LHX4: variants seen among roughly 807,000 people sequenced by gnomAD.
LHX4 encodes the protein LIM homeobox 4.
Under a neutral mutation model 39.2 loss-of-function variants are expected in LHX4, and 16 were observed. The ratio of observed to expected loss-of-function variants is 0.41; its 90% CI spans 0.28 to 0.62. LHX4 has a LOEUF of 0.62. Ranked by LOEUF, LHX4 falls within the 20% of genes least tolerant of loss-of-function variation. The pLI is 0.33. For synonymous variants in LHX4, 206 were observed against 198.1 expected (o/e 1.04, Z -0.33); for missense variants, 439 against 511.9 (o/e 0.86, Z 1.37).
In LHX4 at chr1:180,232,507, A is replaced by G. The variant is rs1664204971; in HGVS notation, c.76+1902A>G. On this transcript the variant is annotated intron_variant, in intron 1 of 5. Coordinates refer to ENST00000263726, the MANE Select transcript of LHX4 (RefSeq NM_033343.4). This position sits in a 1 kb window ranked among gnomAD's most constrained non-coding sequence, Gnocchi z 5.4. ...TCACACTGTGGAAAACTTGAGGTGT[A>G]CAAAGGAACTTCCACACCCACCCCC... Among the ~76,000 whole-genome samples, 1 of 152,190 alleles carries G rather than the reference A, an allele frequency of 6.6e-6. No individual in the cohort carries two copies. The highest frequency in any genetic ancestry group is 1.5e-5 in the Non-Finnish European group (1 of 68,028).
At chr1:180,254,725 A>C (rs1169371133) in intron 2 of LHX4, among the ~76,000 whole-genome samples, 1 of 152,182 alleles carries the variant, frequency 6.6e-6, no homozygotes, top group East Asian at 1.9e-4. Context: ...GCTCAGCGTG[A>C]ACTTGGGGCG....
At chr1:180,245,655 G>A (rs1223709439) in intron 1 of LHX4, among the ~76,000 whole-genome samples, 1 of 152,226 alleles carries the variant, frequency 6.6e-6, no homozygotes, top group Non-Finnish European at 1.5e-5. Context: ...CCTGTCTTGA[G>A]CACCTACTGT....
At position 180,274,389 on chromosome 1, in the gene LHX4, A is replaced by G. The variant is rs7536561; in HGVS notation, c.983A>G (p.Asn328Ser). ...CTGCCATCCCACGCTCCTTTGCTCA[A>G]TGGGCTGGATTACACGGTGGACAGT... ...SSLPSHAPLL[N>S]GLDYTVDSNL... is the part of the protein sequence containing the mutation. The change falls in exon 6 of 6, where the codon AAT becomes AGT. Residue 328 changes from asparagine (N) to serine (S), a missense_variant. Physicochemically the swap from Asn to Ser is conservative, Grantham distance 46. Coordinates refer to ENST00000263726, the MANE Select transcript of LHX4 (RefSeq NM_033343.4). 0.5 allele frequency: 807,920 copies of G among 1,613,834 alleles called. 209,181 individuals are homozygous for G. Among genetic ancestry groups the G allele is most frequent in the South Asian group, 0.6 (54,748 of 91,076 alleles).
At chr1:180,250,793 G>A (rs1329702377) in intron 2 of LHX4, among the ~76,000 whole-genome samples, 6 of 152,188 alleles carry the variant, frequency 3.9e-5, no homozygotes, top group Non-Finnish European at 7.3e-5. Context: ...TGATGGCAGC[G>A]CAGGCGTGGG....
chr1:180,241,532 A>T (rs1571260083), intron 1 of LHX4, among the ~76,000 whole-genome samples: 1 of 152,024 alleles, frequency 6.6e-6, no homozygotes. Flanking sequence ...TACATGCATT[A>T]CCTGATGTGG....
At chr1:180,231,071 C>T (rs1664164962) in intron 1 of LHX4, among the ~76,000 whole-genome samples, 1 of 152,078 alleles carries the variant, frequency 6.6e-6, no homozygotes, top group African/African-American at 2.4e-5. Context: ...CGGAGAAGCC[C>T]CGGCCACACT....
intron 3 of LHX4, among the ~76,000 whole-genome samples, chr1:180,267,061 C>T (rs2794960): frequency 0.058 from 8,881 of 152,314 alleles, 370 homozygotes; most frequent in South Asian, 0.088. Context: ...CCTCTGCACA[C>T]TTCATACATC....
intron 2 of LHX4, among the ~76,000 whole-genome samples, chr1:180,264,448 T>C (rs1158341256): frequency 6.8e-6 from 1 of 146,154 alleles, no homozygotes; most frequent in African/African-American, 2.5e-5. Context: ...TCCTCTTTGA[T>C]CCAGGTGATG....
At chr1:180,237,033 T>C (rs1664336221) in intron 1 of LHX4, among the ~76,000 whole-genome samples, 1 of 152,146 alleles carries the variant, frequency 6.6e-6, no homozygotes, top group African/African-American at 2.4e-5. Context: ...GCAAATAGGG[T>C]CCACTGCTTT....
chr1:180,248,020 G>A (rs1647452850), intron 1 of LHX4, among the ~76,000 whole-genome samples: 1 of 152,216 alleles, frequency 6.6e-6, no homozygotes, highest in South Asian at 2.1e-4. Flanking sequence ...TTAGAAACGA[G>A]TGATTCCTCT....
chr1:180,243,981 A>G (rs1369660344), intron 1 of LHX4, among the ~76,000 whole-genome samples: 1 of 152,184 alleles, frequency 6.6e-6, no homozygotes, highest in Non-Finnish European at 1.5e-5. Flanking sequence ...GCAGCAGCAC[A>G]GTCTATTGGT....
intron 2 of LHX4, among the ~76,000 whole-genome samples, chr1:180,249,370 A>C (rs1382240620): frequency 6.6e-6 from 1 of 152,232 alleles, no homozygotes; most frequent in African/African-American, 2.4e-5. Flanking sequence ...CTTCTCTCCC[A>C]GAATCTATTA....
At chr1:180,236,554 C>T (rs549992267) in intron 1 of LHX4, among the ~76,000 whole-genome samples, 1 of 152,184 alleles carries the variant, frequency 6.6e-6, no homozygotes, top group Non-Finnish European at 1.5e-5. Context: ...ATTAACTGTT[C>T]TTTCTATTAC....
chr1:180,268,456 C>A (rs1648428467), intron 3 of LHX4, among the ~76,000 whole-genome samples: 1 of 152,170 alleles, frequency 6.6e-6, no homozygotes, highest in African/African-American at 2.4e-5. Flanking sequence ...CCACAGCAGA[C>A]CTCTGCAGGA....
intron 2 of LHX4, among the ~76,000 whole-genome samples, chr1:180,265,912 C>T (rs1457027605): frequency 6.6e-6 from 1 of 152,228 alleles, no homozygotes; most frequent in East Asian, 1.9e-4. Context: ...CCTGGCCAGG[C>T]AGGGCCTCCT....
At chr1:180,241,067 C>G (rs570659583) in intron 1 of LHX4, among the ~76,000 whole-genome samples, 48 of 152,308 alleles carry the variant, frequency 3.2e-4, no homozygotes, top group African/African-American at 1.1e-3. Flanking sequence ...TCAATTTCAA[C>G]CCAATCTACC....
In LHX4 at chr1:180,261,278, G is replaced by A. The variant is rs570615980; in HGVS notation, c.249-5114G>A. 8.0e-5 allele frequency among the ~76,000 whole-genome samples: 12 copies of A among 149,522 alleles called. 1 individual carries two copies. The highest frequency in any genetic ancestry group is 3.1e-4 in the African/African-American group (12 of 38,976). On this transcript the variant is annotated intron_variant, in intron 2 of 5. Transcript: ENST00000263726. ...GGGGCGCTGCCCTGAAGGGTGCGGG[G>A]AGTGGGCGGTAGAGAAGGGAGGCAG...
chr1:180,267,404 C>T lies in LHX4; in HGVS notation c.451+810C>T, dbSNP rs150556174. ...AGCGGCTCTCGCCCTACATGCCATG[C>T]GCTTGGGCAGCCCGGGGACTTTCCA... On this transcript the variant is annotated intron_variant, in intron 3 of 5. Transcript: ENST00000263726. Among the ~76,000 whole-genome samples, 639 of 152,398 alleles carry T rather than the reference C, an allele frequency of 4.2e-3. 4 individuals carry two copies. Among genetic ancestry groups the T allele is most frequent in the Middle Eastern group, 0.037 (11 of 294 alleles).
At position 180,278,961 on chromosome 1, in the gene LHX4, A is replaced by AAAT. The variant is rs886448564; in HGVS notation, c.*4385_*4387dup. The AAAT allele has an allele frequency of 6.6e-6, 1 of 152,186 alleles. No individual in the cohort carries two copies. Among genetic ancestry groups the AAAT allele is most frequent in the African/African-American group, 2.4e-5 (1 of 41,444 alleles). 9.4% of individuals were successfully genotyped at this position (152,186 alleles called of 1,614,324 possible). ...GAGATGTGTACGGTAAAATTATGTA[A>AAAT]AATAAATATGGAAATTCTTTAGATG... On this transcript the variant is annotated 3_prime_UTR_variant, in exon 6 of 6. Transcript: ENST00000263726.
Sources: allele counts gnomAD v4.1 joint callset (sites outside exome capture counted in the v4.1 genomes callset), GRCh38; gene constraint gnomAD v4.1.1; non-coding constraint Gnocchi (gnomAD v3.1); transcripts MANE v1.5; gene names NCBI Gene and HGNC (gene_info 2026-07-23, HGNC 2026-07-21).